Variants in CDKL5 observed in about 807,000 individuals in gnomAD.
CDKL5 encodes cyclin dependent kinase like 5, also known as cyclin-dependent kinase-like 5.
CDKL5 carries 8 observed loss-of-function variants against 61.7 expected under a neutral mutation model. The ratio of observed to expected loss-of-function variants is 0.13; its 90% CI spans 0.08 to 0.23. The LOEUF is 0.23. CDKL5 is among the 10% of genes least tolerant of loss of function. The pLI is 1.00. For missense variants in CDKL5, 440 were observed against 734.5 expected, an observed-to-expected ratio of 0.60 and a Z score of 4.63; for synonymous variants, 275 against 272.3, an observed-to-expected ratio of 1.01 and a Z score of -0.10.
chrX:18,540,569 G>A (rs1014456744), intron 3 of CDKL5, among the ~76,000 whole-genome samples: 1 of 111,833 alleles, frequency 8.9e-6, no homozygotes, highest in African/African-American at 3.2e-5. Context: ...CTTCATCTGC[G>A]ATTGTCTTTA....
chrX:18,601,453 G>A (rs1169226991), intron 11 of CDKL5, among the ~76,000 whole-genome samples: 1 of 112,734 alleles, frequency 8.9e-6, no homozygotes, highest in African/African-American at 3.2e-5. Context: ...TTAACTAGTT[G>A]GCAGTTTAAC....
intron 3 of CDKL5, among the ~76,000 whole-genome samples, chrX:18,556,724 A>C (rs1213897788): frequency 1.0e-4 from 11 of 110,371 alleles, no homozygotes; most frequent in Admixed American, 8.7e-4. Context: ...CTCTACTAAA[A>C]ATACAGAAAT....
chrX:18,651,256 T>TGA (rs1718121215), intron 21 of CDKL5, among the ~76,000 whole-genome samples: 1 of 98,527 alleles, frequency 1.0e-5, no homozygotes, highest in African/African-American at 4.0e-5. Flanking sequence ...TGTGTGTGTG[T>TGA]GTGTGTGTGA....
intron 1 of CDKL5, among the ~76,000 whole-genome samples, chrX:18,444,706 A>C (rs748595486): frequency 1.8e-5 from 2 of 112,696 alleles, no homozygotes; most frequent in South Asian, 7.2e-4. Context: ...TTAAATTTTC[A>C]TAAGAGCATT....
intron 8 of CDKL5, among the ~76,000 whole-genome samples, chrX:18,586,164 T>C (rs779118380): frequency 3.6e-5 from 4 of 111,870 alleles, no homozygotes; most frequent in African/African-American, 1.3e-4. Context: ...TCTTCCATTG[T>C]GTAGGCAGAG....
At chrX:18,597,907 C>T (rs1329031237) in intron 10 of CDKL5, among the ~76,000 whole-genome samples, 1 of 110,930 alleles carries the variant, frequency 9.0e-6, no homozygotes, top group African/African-American at 3.3e-5. Context: ...CGAATTATTT[C>T]TTAGGATCTT....
chrX:18,428,346 T>C (rs1931410975), intron 1 of CDKL5, among the ~76,000 whole-genome samples: 1 of 112,330 alleles, frequency 8.9e-6, no homozygotes, highest in Admixed American at 9.5e-5. Context: ...ATCTGAGAAA[T>C]TGGCTGTAAG....
At chrX:18,465,422 T>C (rs1340663210) in intron 1 of CDKL5, among the ~76,000 whole-genome samples, 1 of 111,565 alleles carries the variant, frequency 9.0e-6, no homozygotes, top group Non-Finnish European at 1.9e-5. Flanking sequence ...CCCAGCACTT[T>C]TGGGAGGCCG....
At chrX:18,448,446 C>T (rs1018466155) in intron 1 of CDKL5, among the ~76,000 whole-genome samples, 11 of 111,944 alleles carry the variant, frequency 9.8e-5, no homozygotes, top group South Asian at 3.7e-4. Context: ...CGCTATGCTC[C>T]GGCACGTATA....
chrX:18,442,587 G>A (rs890643030), intron 1 of CDKL5, among the ~76,000 whole-genome samples: 2 of 110,971 alleles, frequency 1.8e-5, no homozygotes, highest in Admixed American at 9.7e-5. Context: ...TCCGCCTCCC[G>A]GGTTCACGCC....
In CDKL5 at chrX:18,598,470, G is replaced by T; in HGVS notation, c.834G>T (p.Leu278=). The T allele has an allele frequency of 8.3e-7, 1 of 1,205,910 alleles. No homozygotes were observed. The highest frequency in any genetic ancestry group is 2.3e-4 in the Middle Eastern group (1 of 4,342). The change falls in exon 11 of 18, where the codon CTG becomes CTT. Residue 278 remains leucine, a synonymous_variant. Coordinates refer to ENST00000623535, the MANE Select transcript of CDKL5 (RefSeq NM_001323289.2). ...SVLLDLMKNL[L]KLDPADRYLT... ...AAATTTTATTTCCTAAGAATTTACTGAAGTTGGACCCAGCTGACAGATACT... is the reference window on the plus strand; with the variant it reads ...AAATTTTATTTCCTAAGAATTTACTTAAGTTGGACCCAGCTGACAGATACT...
In CDKL5 at chrX:18,630,931, C is replaced by T. The variant is rs942397777; in HGVS notation, c.*2174C>T. On this transcript the variant is annotated 3_prime_UTR_variant, in exon 18 of 18. Coordinates refer to ENST00000623535, the MANE Select transcript of CDKL5 (RefSeq NM_001323289.2). ...TGACTCTAAAAGGGTGTGTATTTAA[C>T]TCTTCTTTTTCATACTAGATCTCTA... 1.3e-5 allele frequency: 10 copies of T among 743,741 alleles called. No homozygotes were observed. Among genetic ancestry groups the T allele is most frequent in the East Asian group, 3.2e-4 (2 of 6,340 alleles). 61.3% of individuals were successfully genotyped at this position (743,741 alleles called of 1,213,427 possible). A position where few individuals can be genotyped will look rare whatever the true frequency, so the allele number is the denominator to read the frequency against.
chrX:18,563,385 T>A (rs993785638), intron 3 of CDKL5, among the ~76,000 whole-genome samples: 6 of 111,851 alleles, frequency 5.4e-5, no homozygotes, highest in Non-Finnish European at 1.1e-4. Context: ...AGTTCTTCCT[T>A]CCCAATAATA....
At position 18,553,649 on chromosome X, in the gene CDKL5, C is replaced by T. The variant is rs752500958; in HGVS notation, c.100-10828C>T. Among the ~76,000 whole-genome samples, 5 of 111,031 alleles carry T rather than the reference C, an allele frequency of 4.5e-5. 1 individual carries two copies. The South Asian group carries it at 1.5e-3, about 34-fold the overall frequency. On this transcript the variant is annotated intron_variant, in intron 3 of 17. Coordinates refer to ENST00000623535, the MANE Select transcript of CDKL5 (RefSeq NM_001323289.2). ...CTGGGACTACAGGCGTGTGCTACCA[C>T]GCTGGGCTAATTTTTTTGTATTTTT...
At chrX:18,472,327 A>C (rs1012811098) in intron 1 of CDKL5, among the ~76,000 whole-genome samples, 1 of 111,873 alleles carries the variant, frequency 8.9e-6, no homozygotes, top group African/African-American at 3.2e-5. Flanking sequence ...CATACAGTGC[A>C]TCTGTATCTT....
chrX:18,433,327 C>T lies in CDKL5; in HGVS notation c.-163+7632C>T, dbSNP rs759654647. 4.4e-3 allele frequency among the ~76,000 whole-genome samples: 487 copies of T among 111,465 alleles called. 2 individuals are homozygous for T. In the Middle Eastern group the frequency reaches 0.047, roughly 11 times the overall value. The stretch of plus-strand genomic sequence containing the variant: ...TAGCACTTTGGGAGGCCGAGGCAGG[C>T]GGATCACCTGAGGTCGGGAGTTCGA... On this transcript the variant is annotated intron_variant, in intron 1 of 17. Transcript: ENST00000623535.
chrX:18,562,610 T>C (rs779978717), intron 3 of CDKL5, among the ~76,000 whole-genome samples: 3 of 112,341 alleles, frequency 2.7e-5, no homozygotes, highest in Non-Finnish European at 5.6e-5. Flanking sequence ...GAGTTTATAT[T>C]ATTTTTATAA....
At chrX:18,478,775 A>G (rs748618859) in intron 1 of CDKL5, among the ~76,000 whole-genome samples, 1 of 103,772 alleles carries the variant, frequency 9.6e-6, no homozygotes, top group African/African-American at 3.6e-5. Flanking sequence ...CAGTGGTGTC[A>G]TCTTGGCTCA....
At chrX:18,544,927 G>A (rs1186017520) in intron 3 of CDKL5, among the ~76,000 whole-genome samples, 1 of 111,680 alleles carries the variant, frequency 9.0e-6, no homozygotes, top group African/African-American at 3.3e-5. Context: ...CAATGATTTT[G>A]TTAGAAATCT....
Sources: gnomAD v4.1 joint callset for allele counts (sites outside exome capture counted in the v4.1 genomes callset) on GRCh38, gnomAD v4.1.1 for gene constraint, MANE v1.5 for transcripts, NCBI Gene and HGNC (gene_info 2026-07-23, HGNC 2026-07-21) for gene names.